The following RUNX2 variants were observed in gnomAD, a reference collection of about 807,000 sequenced individuals.
RUNX2 encodes runt-related transcription factor 2.
Under a neutral mutation model 51.7 loss-of-function variants are expected in RUNX2, and 10 were observed. The ratio of observed to expected loss-of-function variants is 0.19; its 90% confidence interval spans 0.12 to 0.33. RUNX2 has a LOEUF of 0.33. RUNX2 is among the 10% of genes least tolerant of loss of function. The pLI is 1.00. For synonymous variants in RUNX2, 276 were observed against 273.6 expected (o/e 1.01, Z -0.09); for missense variants, 562 against 691.3 (o/e 0.81, Z 2.10).
At chr6:45,363,445 ATTG>A (rs1297650675) in intron 2 of RUNX2, among the ~76,000 whole-genome samples, 1 of 152,160 alleles carries the variant, frequency 6.6e-6, no homozygotes, top group Non-Finnish European at 1.5e-5. Context: ...AAACACAATT[ATTG>A]TTAAAGCCAG....
intron 7 of RUNX2, among the ~76,000 whole-genome samples, chr6:45,530,480 G>GA (rs1801808248): frequency 1.3e-5 from 2 of 152,228 alleles, no homozygotes; most frequent in Admixed American, 1.3e-4. Flanking sequence ...TGTGAGTTAG[G>GA]CTTATTGCAT....
At chr6:45,350,078 C>A (rs759361524) in intron 2 of RUNX2, among the ~76,000 whole-genome samples, 2 of 152,092 alleles carry the variant, frequency 1.3e-5, no homozygotes, top group African/African-American at 2.4e-5. Context: ...ATACACAAAA[C>A]TATAAACTGC....
chr6:45,366,886 C>A (rs1407505974), intron 2 of RUNX2, among the ~76,000 whole-genome samples: 1 of 152,172 alleles, frequency 6.6e-6, no homozygotes, highest in Non-Finnish European at 1.5e-5. Context: ...TTAGCTACAT[C>A]TTCTATCTCC....
intron 5 of RUNX2, among the ~76,000 whole-genome samples, chr6:45,464,113 A>T (rs539600208): frequency 4.1e-4 from 62 of 152,216 alleles, no homozygotes; most frequent in African/African-American, 1.5e-3. Context: ...GAATGGCGTG[A>T]ACCCGGGAGG....
At chr6:45,545,371 C>A in intron 8 of RUNX2, 89 bp downstream of exon 8, 1 of 1,385,434 alleles carries the variant, frequency 7.2e-7, no homozygotes, top group Non-Finnish European at 9.7e-7. Flanking sequence ...GTTTTGTTAA[C>A]TATATGTTGC....
intron 2 of RUNX2, among the ~76,000 whole-genome samples, chr6:45,357,222 T>C (rs1425393314): frequency 2.6e-5 from 4 of 152,130 alleles, no homozygotes; most frequent in Non-Finnish European, 5.9e-5. Context: ...TTAGCCAGGA[T>C]GGTCTCAATC....
At chr6:45,444,454 T>C (rs1288718100) in intron 5 of RUNX2, among the ~76,000 whole-genome samples, 2 of 152,184 alleles carry the variant, frequency 1.3e-5, no homozygotes, top group Non-Finnish European at 2.9e-5. Flanking sequence ...TCAGAGTACA[T>C]GGCTGCAACA....
chr6:45,499,450 G>A (rs1283173124), intron 6 of RUNX2, among the ~76,000 whole-genome samples: 4 of 152,204 alleles, frequency 2.6e-5, no homozygotes, highest in Non-Finnish European at 5.9e-5. Flanking sequence ...TGCAGCCTGT[G>A]CTGGCTTTAA....
At chr6:45,509,396 A>C (rs1405274722) in intron 6 of RUNX2, among the ~76,000 whole-genome samples, 1 of 152,210 alleles carries the variant, frequency 6.6e-6, no homozygotes, top group Non-Finnish European at 1.5e-5. Context: ...GACATGGCCT[A>C]GTTCATGTAA....
intron 5 of RUNX2, among the ~76,000 whole-genome samples, chr6:45,491,687 A>AT (rs1800478816): frequency 8.2e-6 from 1 of 122,576 alleles, no homozygotes; most frequent in East Asian, 2.3e-4. Context: ...CTGCCTCTCT[A>AT]TTGATGCTTG....
At chr6:45,364,464 G>A (rs556743186) in intron 2 of RUNX2, among the ~76,000 whole-genome samples, 1 of 152,048 alleles carries the variant, frequency 6.6e-6, no homozygotes, top group Non-Finnish European at 1.5e-5. Flanking sequence ...TGTATCCACA[G>A]GAAAAGAAGA....
intron 2 of RUNX2, among the ~76,000 whole-genome samples, chr6:45,336,055 C>T (rs1467403251): frequency 1.3e-5 from 2 of 151,278 alleles, no homozygotes; most frequent in South Asian, 2.1e-4. Context: ...ATCCAACCTC[C>T]TTTCCACAGA....
intron 3 of RUNX2, among the ~76,000 whole-genome samples, chr6:45,423,858 G>T (rs1295794575): frequency 1.3e-5 from 2 of 152,206 alleles, no homozygotes; most frequent in East Asian, 3.9e-4. Context: ...GGGACGGGGC[G>T]GGAGCTCGGG....
chr6:45,467,847 A>G (rs1799681229), intron 5 of RUNX2, among the ~76,000 whole-genome samples: 1 of 152,222 alleles, frequency 6.6e-6, no homozygotes, highest in Admixed American at 6.5e-5. Flanking sequence ...TGATCTTTAA[A>G]TAATATATCT....
At chr6:45,347,027 G>A (rs1260589498) in intron 2 of RUNX2, among the ~76,000 whole-genome samples, 1 of 151,976 alleles carries the variant, frequency 6.6e-6, no homozygotes, top group Non-Finnish European at 1.5e-5. Context: ...TAACTTACAT[G>A]GCTGAAAAGA....
intron 2 of RUNX2, 30 bp downstream of exon 2, chr6:45,328,814 A>C (rs766149484): frequency 6.2e-7 from 1 of 1,604,286 alleles, no homozygotes; most frequent in African/African-American, 1.3e-5. Flanking sequence ...AAATCCTGTA[A>C]GATATGAACC....
intron 7 of RUNX2, among the ~76,000 whole-genome samples, chr6:45,530,967 A>G (rs1582212869): frequency 6.6e-6 from 1 of 152,240 alleles, no homozygotes; most frequent in East Asian, 1.9e-4. Context: ...ATCTATAGAA[A>G]GCACTTTCAT....
intron 5 of RUNX2, among the ~76,000 whole-genome samples, chr6:45,458,825 T>C (rs546648874): frequency 6.6e-6 from 1 of 152,216 alleles, no homozygotes. Flanking sequence ...TTCAAATTCC[T>C]GAGGTGCTCT....
intron 7 of RUNX2, among the ~76,000 whole-genome samples, chr6:45,527,380 G>A (rs1180362879): frequency 6.6e-6 from 1 of 152,186 alleles, no homozygotes; most frequent in Non-Finnish European, 1.5e-5. Context: ...TCACTCTGGC[G>A]GTTGGGTGGA....
Sources: allele counts gnomAD v4.1 joint callset (sites outside exome capture counted in the v4.1 genomes callset), GRCh38; gene constraint gnomAD v4.1.1; transcripts MANE v1.5; gene names NCBI Gene and HGNC (gene_info 2026-07-23, HGNC 2026-07-21).